The following ANKIB1 variants were observed in gnomAD, a reference collection of about 807,000 sequenced individuals.
ANKIB1 encodes the protein ankyrin repeat and IBR domain-containing protein 1.
ANKIB1 carries 43 observed loss-of-function variants against 122.1 expected under a neutral mutation model. That is an observed-to-expected ratio of 0.35 (90% CI 0.28 to 0.45). The LOEUF is 0.45. Ranked by LOEUF, ANKIB1 falls within the 20% of genes least tolerant of loss-of-function variation. The pLI, the probability that ANKIB1 is intolerant of heterozygous loss-of-function variation, is 1.00. For synonymous variants in ANKIB1, 390 were observed against 442.0 expected (o/e 0.88, Z 1.48); for missense variants, 992 against 1,329.5 (o/e 0.75, Z 3.95).
chr7:92,396,499 G>A, intron 18 of ANKIB1, 23 bp downstream of exon 18: 1 of 1,173,402 alleles, frequency 8.5e-7, no homozygotes, highest in Non-Finnish European at 1.2e-6. Flanking sequence ...ATTGAGTATG[G>A]TTTAATCTCA....
chr7:92,273,887 C>G (rs1485535983), intron 1 of ANKIB1, among the ~76,000 whole-genome samples: 2 of 152,016 alleles, frequency 1.3e-5, no homozygotes, highest in Admixed American at 6.6e-5. Flanking sequence ...ATCCTCCCAC[C>G]TCAGCCTCCT....
intron 5 of ANKIB1, among the ~76,000 whole-genome samples, chr7:92,335,238 G>A (rs1256282856): frequency 6.6e-6 from 1 of 151,550 alleles, no homozygotes; most frequent in Non-Finnish European, 1.5e-5. Flanking sequence ...ATGTTTTATT[G>A]TTTTCACTTC....
intron 1 of ANKIB1, among the ~76,000 whole-genome samples, chr7:92,270,324 A>G (rs1008573217): frequency 1.3e-5 from 2 of 151,914 alleles, no homozygotes; most frequent in Non-Finnish European, 2.9e-5. Flanking sequence ...CAGCCTCCCA[A>G]AGTGCTGGGA....
intron 1 of ANKIB1, among the ~76,000 whole-genome samples, chr7:92,260,323 T>G (rs1293377008): frequency 6.6e-6 from 1 of 152,164 alleles, no homozygotes; most frequent in African/African-American, 2.4e-5. Context: ...TTCCTCTATC[T>G]GGAATACTCT....
intron 9 of ANKIB1, among the ~76,000 whole-genome samples, chr7:92,360,519 C>T (rs960935539): frequency 2.0e-5 from 3 of 152,074 alleles, no homozygotes; most frequent in Admixed American, 6.6e-5. Context: ...GGTTGTTTCC[C>T]CCTTTTAGCT....
chr7:92,392,213 T>G (rs532601479), intron 16 of ANKIB1, 28 bp from the exon 17 acceptor site: 1 of 1,598,420 alleles, frequency 6.3e-7, no homozygotes, highest in Non-Finnish European at 8.6e-7. Context: ...TGATATTAAA[T>G]CAAATGGTAT....
chr7:92,382,999 C>CT (rs1221690613), intron 11 of ANKIB1, among the ~76,000 whole-genome samples: 1 of 151,754 alleles, frequency 6.6e-6, no homozygotes, highest in Admixed American at 6.6e-5. Flanking sequence ...GCTAGCAAGA[C>CT]TAATAAAGAA....
intron 2 of ANKIB1, among the ~76,000 whole-genome samples, chr7:92,300,895 T>G (rs959918413): frequency 6.6e-6 from 1 of 152,146 alleles, no homozygotes; most frequent in African/African-American, 2.4e-5. Flanking sequence ...TTCTAGCCTC[T>G]GTTCCTGAGT....
At chr7:92,301,073 ATTC>A (rs1459126842) in intron 2 of ANKIB1, among the ~76,000 whole-genome samples, 4 of 152,080 alleles carry the variant, frequency 2.6e-5, no homozygotes, top group Non-Finnish European at 5.9e-5. Flanking sequence ...TATGCCACAT[ATTC>A]TTTATCCATT....
intron 1 of ANKIB1, among the ~76,000 whole-genome samples, chr7:92,280,002 A>G (rs981665040): frequency 1.3e-5 from 2 of 152,240 alleles, no homozygotes; most frequent in African/African-American, 2.4e-5. Context: ...GTGTATCTAC[A>G]TCTGGAAATT....
Position 92,395,998 on chromosome 7 carries a change from A to G in ANKIB1, c.2284-367A>G, listed in dbSNP as rs76242221. 551 of 218,962 alleles carry G rather than the reference A, an allele frequency of 2.5e-3. 5 individuals are homozygous for G. Among genetic ancestry groups the G allele is most frequent in the African/African-American group, 0.012 (520 of 42,056 alleles). 13.6% of individuals were successfully genotyped at this position (218,962 alleles called of 1,614,324 possible). A position where few individuals can be genotyped will look rare whatever the true frequency, so the allele number is the denominator to read the frequency against. ...ACTCTGACTCTAAAAATAAAAAAATAAAAAATAAAAAACCTCCCTTCAAGG... is the reference window on the plus strand; with the variant it reads ...ACTCTGACTCTAAAAATAAAAAAATGAAAAATAAAAAACCTCCCTTCAAGG... On this transcript the variant is annotated intron_variant, in intron 17 of 19. Coordinates refer to ENST00000265742, the MANE Select transcript of ANKIB1 (RefSeq NM_019004.2).
At chr7:92,370,162 A>T (rs1344747196) in intron 10 of ANKIB1, among the ~76,000 whole-genome samples, 1 of 152,082 alleles carries the variant, frequency 6.6e-6, no homozygotes, top group East Asian at 1.9e-4. Context: ...GTGTATTCTA[A>T]AAAGATCACT....
At chr7:92,313,149 A>T (rs1416574567) in intron 3 of ANKIB1, among the ~76,000 whole-genome samples, 1 of 152,148 alleles carries the variant, frequency 6.6e-6, no homozygotes, top group East Asian at 1.9e-4. Flanking sequence ...GTTATCTTAG[A>T]TATTTCCTAT....
intron 11 of ANKIB1, among the ~76,000 whole-genome samples, chr7:92,379,827 C>T (rs1000632505): frequency 1.3e-5 from 2 of 152,126 alleles, no homozygotes; most frequent in Admixed American, 6.6e-5. Context: ...CTCCAATGAT[C>T]GACACAGAAG....
At position 92,246,442 on chromosome 7, in the gene ANKIB1, G is replaced by C. The variant is rs761977454; in HGVS notation, c.-168G>C. ...GGTACCTGAGGTCACCAGCTCGGCT[G>C]TAGAGGCAGGGGCGGCGGAGGCGGA... On this transcript the variant is annotated 5_prime_UTR_variant, in exon 1 of 20. Coordinates refer to ENST00000265742, the MANE Select transcript of ANKIB1 (RefSeq NM_019004.2). 2.5e-5 allele frequency: 13 copies of C among 517,814 alleles called. No homozygotes were observed. The highest frequency in any genetic ancestry group is 5.8e-5 in the Admixed American group (3 of 51,528). The allele number at this position is 517,814 out of a possible 1,614,324, so 32.1% of individuals were successfully genotyped here.
At chr7:92,290,988 A>T (rs970804527) in intron 1 of ANKIB1, among the ~76,000 whole-genome samples, 7 of 152,182 alleles carry the variant, frequency 4.6e-5, no homozygotes, top group Non-Finnish European at 8.8e-5. Context: ...TGTACATTTT[A>T]AAATAACTAG....
intron 4 of ANKIB1, among the ~76,000 whole-genome samples, chr7:92,325,718 CT>C (rs1803012854): frequency 6.6e-6 from 1 of 150,880 alleles, no homozygotes; most frequent in African/African-American, 2.4e-5. Flanking sequence ...AAAACAAATA[CT>C]TTCATAACTT....
At chr7:92,324,758 G>A (rs1324525082) in intron 4 of ANKIB1, among the ~76,000 whole-genome samples, 1 of 152,172 alleles carries the variant, frequency 6.6e-6, no homozygotes, top group Non-Finnish European at 1.5e-5. Context: ...TCTGGACAGT[G>A]TATATTTCTA....
At chr7:92,351,987 C>T (rs767220805) in intron 8 of ANKIB1, among the ~76,000 whole-genome samples, 2 of 152,028 alleles carry the variant, frequency 1.3e-5, no homozygotes, top group Non-Finnish European at 2.9e-5. Context: ...TCCCAAAGTG[C>T]TAGGATTACA....
Sources: gnomAD v4.1 joint callset for allele counts (sites outside exome capture counted in the v4.1 genomes callset) on GRCh38, gnomAD v4.1.1 for gene constraint, MANE v1.5 for transcripts, NCBI Gene and HGNC (gene_info 2026-07-23, HGNC 2026-07-21) for gene names.